Variants in UTRN observed in about 807,000 individuals in gnomAD.
UTRN encodes dystrophin-related protein 1.
UTRN carries 283 observed loss-of-function variants against 463.9 expected under a neutral mutation model. That is an observed-to-expected ratio of 0.61 (90% confidence interval 0.55 to 0.67). The LOEUF is 0.67. UTRN is among the 30% of genes least tolerant of loss of function. UTRN has a pLI of 0.00. For missense variants in UTRN, 3,922 were observed against 4,084.3 expected, an observed-to-expected ratio of 0.96 and a Z score of 1.08; for synonymous variants, 1,442 against 1,431.5, an observed-to-expected ratio of 1.01 and a Z score of -0.17.
chr6:144,361,283 A>G (rs766238868), intron 2 of UTRN, among the ~76,000 whole-genome samples: 6 of 152,322 alleles, frequency 3.9e-5, no homozygotes, highest in Non-Finnish European at 8.8e-5. Context: ...GTTTGTGGCT[A>G]AAAAGACTGG....
chr6:144,550,102 G>C (rs1798768971), intron 47 of UTRN, among the ~76,000 whole-genome samples: 1 of 152,192 alleles, frequency 6.6e-6, no homozygotes, highest in African/African-American at 2.4e-5. Context: ...AGGAATAGAA[G>C]AAATTGAGTG....
intron 51 of UTRN, among the ~76,000 whole-genome samples, chr6:144,662,026 T>G (rs992284611): frequency 6.6e-6 from 1 of 151,988 alleles, no homozygotes; most frequent in Non-Finnish European, 1.5e-5. Flanking sequence ...TATTTATTTA[T>G]TTTTGAGACA....
chr6:144,781,195 TG>T (rs1775797599), intron 60 of UTRN, among the ~76,000 whole-genome samples: 2 of 152,228 alleles, frequency 1.3e-5, no homozygotes, highest in South Asian at 4.1e-4. Flanking sequence ...CCAATGGATG[TG>T]GGGGCTGTCT....
At chr6:144,724,182 TCA>T (rs1464968661) in intron 53 of UTRN, among the ~76,000 whole-genome samples, 2 of 151,240 alleles carry the variant, frequency 1.3e-5, no homozygotes, top group African/African-American at 4.8e-5. Context: ...TTTAGTATTT[TCA>T]CAGAGTTGTG....
chr6:144,528,076 C>T (rs1381901291), intron 41 of UTRN, among the ~76,000 whole-genome samples: 1 of 128,584 alleles, frequency 7.8e-6, no homozygotes, highest in East Asian at 2.2e-4. Flanking sequence ...TACTCTGTTG[C>T]CCAGGCTGGA....
rs1491418211 is a variant in UTRN at position 144,819,909 on chromosome 6, C to CTG, written c.9358-972_9358-971insGT. On this transcript the variant is annotated intron_variant, in intron 65 of 74. Transcript: ENST00000367545. ...CCTCCTCCTCCTCCTCCTCCTCCTCCTCCTCTCTCTCTCTCTCTCTCTCTT... is the reference window on the plus strand; with the variant it reads ...CCTCCTCCTCCTCCTCCTCCTCCTCCTGTCCTCTCTCTCTCTCTCTCTCTCTT... Among the ~76,000 whole-genome samples the CTG allele has an allele frequency of 4.7e-3, 500 of 105,654 alleles. 3 individuals carry two copies. In the Middle Eastern group the frequency reaches 0.057, roughly 12 times the overall value. The allele number at this position is 105,654 out of a possible 152,430, so 69.3% of individuals were successfully genotyped here.
intron 53 of UTRN, among the ~76,000 whole-genome samples, chr6:144,725,006 A>G (rs1237516861): frequency 6.6e-6 from 1 of 152,234 alleles, no homozygotes; most frequent in African/African-American, 2.4e-5. Flanking sequence ...TTTTGAGGAC[A>G]TGCCAAACTG....
chr6:144,629,165 G>A (rs574697380), intron 51 of UTRN, among the ~76,000 whole-genome samples: 15 of 151,976 alleles, frequency 9.9e-5, no homozygotes, highest in Admixed American at 1.3e-4. Flanking sequence ...AATATCATGC[G>A]TGAGCAAAGT....
chr6:144,511,685 A>G (rs72999724), intron 35 of UTRN, among the ~76,000 whole-genome samples: 4,422 of 152,328 alleles, frequency 0.029, 79 homozygotes, highest in Non-Finnish European at 0.043. Context: ...TATGCAAAAC[A>G]ACCAATTTTA....
intron 48 of UTRN, among the ~76,000 whole-genome samples, chr6:144,553,494 A>T (rs938205813): frequency 2.6e-5 from 4 of 152,202 alleles, no homozygotes; most frequent in African/African-American, 4.8e-5. Context: ...TATCCAAAGC[A>T]TCTTTCAGCA....
intron 1 of UTRN, among the ~76,000 whole-genome samples, chr6:144,289,296 C>T (rs1804001366): frequency 6.6e-6 from 1 of 152,170 alleles, no homozygotes; most frequent in Non-Finnish European, 1.5e-5. Context: ...ATATGAATCT[C>T]TCATATCCAA....
intron 54 of UTRN, among the ~76,000 whole-genome samples, chr6:144,743,871 G>A (rs1489215208): frequency 1.3e-5 from 2 of 151,898 alleles, no homozygotes; most frequent in East Asian, 3.9e-4. Context: ...ATAGTTATCT[G>A]TGGTCCCTTA....
At chr6:144,372,027 A>G (rs934972084) in intron 2 of UTRN, among the ~76,000 whole-genome samples, 1 of 152,244 alleles carries the variant, frequency 6.6e-6, no homozygotes, top group African/African-American at 2.4e-5. Context: ...AAAAGAATAG[A>G]CAGTGTTTAA....
intron 2 of UTRN, among the ~76,000 whole-genome samples, chr6:144,388,183 G>A (rs143405984): frequency 6.6e-6 from 1 of 152,274 alleles, no homozygotes; most frequent in Non-Finnish European, 1.5e-5. Flanking sequence ...TCTGTCATAC[G>A]TACACTTACG....
At chr6:144,319,423 C>T (rs1189109402) in intron 2 of UTRN, among the ~76,000 whole-genome samples, 2 of 152,144 alleles carry the variant, frequency 1.3e-5, no homozygotes, top group South Asian at 2.1e-4. Context: ...GATTGTTTCT[C>T]GGAATAACTT....
chr6:144,634,795 T>G (rs932079746), intron 51 of UTRN, among the ~76,000 whole-genome samples: 2 of 152,222 alleles, frequency 1.3e-5, no homozygotes, highest in African/African-American at 4.8e-5. Flanking sequence ...CTGTCTTTTT[T>G]CACTTAGGAT....
At chr6:144,668,694 T>G (rs1383961954) in intron 51 of UTRN, among the ~76,000 whole-genome samples, 1 of 152,082 alleles carries the variant, frequency 6.6e-6, no homozygotes, top group Non-Finnish European at 1.5e-5. Context: ...GGGGCTTCCT[T>G]TATAGGGGTA....
At chr6:144,304,305 G>C (rs1409643339) in intron 2 of UTRN, among the ~76,000 whole-genome samples, 1 of 152,104 alleles carries the variant, frequency 6.6e-6, no homozygotes, top group Non-Finnish European at 1.5e-5. Flanking sequence ...TGGTACCCAA[G>C]TTTTTGCTTT....
intron 39 of UTRN, among the ~76,000 whole-genome samples, chr6:144,519,840 A>G (rs1347391370): frequency 6.6e-6 from 1 of 152,228 alleles, no homozygotes; most frequent in African/African-American, 2.4e-5. Flanking sequence ...AGCTTCAGGT[A>G]CACGTGGTCT....
Sources: allele counts gnomAD v4.1 joint callset (sites outside exome capture counted in the v4.1 genomes callset), GRCh38; gene constraint gnomAD v4.1.1; transcripts MANE v1.5; gene names NCBI Gene and HGNC (gene_info 2026-07-23, HGNC 2026-07-21).